The following CCDC171 variants were observed in gnomAD, a reference collection of about 807,000 sequenced individuals.
The protein encoded by CCDC171 is coiled-coil domain-containing protein 171.
CCDC171 carries 177 observed loss-of-function variants against 168.2 expected under a neutral mutation model. The ratio of observed to expected loss-of-function variants is 1.05; its 90% CI spans 0.93 to 1.19. The LOEUF (loss-of-function observed/expected upper bound fraction) is 1.19, where lower values mean the gene tolerates loss of function less well. Ranked by LOEUF, CCDC171 falls within the 50% of genes most tolerant of loss-of-function variation. CCDC171 has a pLI of 0.00. For synonymous variants in CCDC171, 687 were observed against 540.8 expected (o/e 1.27, Z -3.75); for missense variants, 1,991 against 1,539.0 (o/e 1.29, Z -4.91).
intron 1 of CCDC171, among the ~76,000 whole-genome samples, chr9:16,059,175 A>G (rs1272798247): frequency 6.6e-6 from 1 of 152,138 alleles, no homozygotes; most frequent in Non-Finnish European, 1.5e-5. Context: ...AACAGCTGCC[A>G]TTTCCCTACC....
the CCDC171 span, among the ~76,000 whole-genome samples, chr9:16,078,970 G>T: frequency 6.6e-6 from 1 of 152,208 alleles, no homozygotes; most frequent in Admixed American, 6.5e-5. Flanking sequence ...GTCACCACTA[G>T]ATATTTTCCC....
intron 25 of CCDC171, among the ~76,000 whole-genome samples, chr9:15,959,872 A>T (rs1353752152): frequency 1.3e-5 from 2 of 152,208 alleles, no homozygotes; most frequent in Non-Finnish European, 2.9e-5. Flanking sequence ...AGATACTGCA[A>T]GGCACTGGGT....
At chr9:15,953,743 G>A (rs1265999053) in intron 25 of CCDC171, among the ~76,000 whole-genome samples, 1 of 152,102 alleles carries the variant, frequency 6.6e-6, no homozygotes. Flanking sequence ...AGTTTGAGGA[G>A]GACTAATGTT....
downstream of CCDC171, among the ~76,000 whole-genome samples, chr9:16,065,901 A>G (rs146983851): frequency 5.9e-5 from 9 of 151,814 alleles, no homozygotes; most frequent in African/African-American, 1.5e-4. Context: ...TCCTGTGACT[A>G]TCTTAGAATC....
intron 23 of CCDC171, among the ~76,000 whole-genome samples, chr9:15,860,936 A>ATGTGTGTGTGTGTGTGTGTGTGTGTGTG (rs770617574): frequency 9.7e-5 from 14 of 144,258 alleles, no homozygotes; most frequent in South Asian, 2.3e-4. Flanking sequence ...GTTGTTAGGG[A>ATGTGTGTGTGTGTGTGTGTGTGTGTGTG]TGTGTGTGTG....
At chr9:15,567,396 CTT>C (rs1563952651) in intron 2 of CCDC171, among the ~76,000 whole-genome samples, 3 of 152,134 alleles carry the variant, frequency 2.0e-5, no homozygotes, top group Admixed American at 2.0e-4. Flanking sequence ...CCCATTTGTT[CTT>C]CAAGATTGTT....
intron 3 of CCDC171, among the ~76,000 whole-genome samples, chr9:16,013,316 C>G (rs1169643758): frequency 2.6e-5 from 4 of 152,200 alleles, no homozygotes; most frequent in Non-Finnish European, 5.9e-5. Flanking sequence ...CCAAGTTTCT[C>G]TCTAGCTTTC....
At chr9:16,065,809 GGTGTGTGTGT>G (rs113107786), downstream of CCDC171, among the ~76,000 whole-genome samples, 8 of 144,232 alleles carry the variant, frequency 5.5e-5, no homozygotes, top group Non-Finnish European at 1.1e-4. Flanking sequence ...TTGTGTGCAT[GGTGTGTGTGT>G]GTGTGTGTGT....
At chr9:15,637,634 A>G (rs1156317034) in intron 7 of CCDC171, among the ~76,000 whole-genome samples, 1 of 91,118 alleles carries the variant, frequency 1.1e-5, no homozygotes, top group Non-Finnish European at 2.0e-5. Flanking sequence ...CCCACCCCAC[A>G]ACAGTCCCCA....
intron 4 of CCDC171, among the ~76,000 whole-genome samples, chr9:15,586,440 G>C (rs1324513617): frequency 6.6e-6 from 1 of 152,208 alleles, no homozygotes; most frequent in East Asian, 1.9e-4. Flanking sequence ...GCAAATGGAT[G>C]AGGAATAACT....
At chr9:15,737,519 C>T (rs756320943) in intron 16 of CCDC171, among the ~76,000 whole-genome samples, 3 of 152,092 alleles carry the variant, frequency 2.0e-5, no homozygotes, top group Non-Finnish European at 1.5e-5. Flanking sequence ...GCTAATTTTC[C>T]ACAGTCAGAG....
intron 2 of CCDC171, among the ~76,000 whole-genome samples, chr9:15,569,842 CAAACAA>C (rs1563957571): frequency 7.6e-4 from 37 of 48,444 alleles, no homozygotes; most frequent in African/African-American, 2.2e-3. Flanking sequence ...AAAAAACAAA[CAAACAA>C]AAAAAAAATT....
chr9:15,970,461 T>G (rs1029207955), intron 25 of CCDC171, among the ~76,000 whole-genome samples: 1 of 152,180 alleles, frequency 6.6e-6, no homozygotes, highest in African/African-American at 2.4e-5. Flanking sequence ...ATAACCAGAC[T>G]TGTTATTTCA....
intron 25 of CCDC171, among the ~76,000 whole-genome samples, chr9:15,962,177 C>A (rs1186211256): frequency 6.6e-6 from 1 of 152,144 alleles, no homozygotes. Context: ...ATGCTTGTAA[C>A]AGAAAACATA....
chr9:15,806,310 T>C (rs1265848176), intron 21 of CCDC171, among the ~76,000 whole-genome samples: 1 of 152,152 alleles, frequency 6.6e-6, no homozygotes, highest in African/African-American at 2.4e-5. Flanking sequence ...GACTCGTTTA[T>C]GTGGTTGCTT....
intron 3 of CCDC171, among the ~76,000 whole-genome samples, chr9:16,011,224 G>T (rs1333702561): frequency 1.3e-5 from 2 of 152,066 alleles, no homozygotes; most frequent in Middle Eastern, 3.2e-3. Flanking sequence ...TAAAATGCTG[G>T]GTTGGAAAGA....
chr9:15,763,341 T>C (rs531857625), intron 18 of CCDC171, among the ~76,000 whole-genome samples: 1 of 152,330 alleles, frequency 6.6e-6, no homozygotes, highest in Admixed American at 6.5e-5. Flanking sequence ...GAATGGATCA[T>C]GCTCCACATT....
At chr9:15,784,164 A>G (rs1415124103) in intron 20 of CCDC171, among the ~76,000 whole-genome samples, 2 of 152,202 alleles carry the variant, frequency 1.3e-5, no homozygotes, top group Non-Finnish European at 2.9e-5. Flanking sequence ...ATCACTTAAA[A>G]GCCAAGGAAT....
chr9:15,601,119 C>G (rs781275993), intron 6 of CCDC171, among the ~76,000 whole-genome samples: 9 of 152,192 alleles, frequency 5.9e-5, no homozygotes, highest in Non-Finnish European at 1.2e-4. Flanking sequence ...TCGACTCACG[C>G]TCAGTGCACT....
Sources: gnomAD v4.1 joint callset for allele counts (sites outside exome capture counted in the v4.1 genomes callset) on GRCh38, gnomAD v4.1.1 for gene constraint, MANE v1.5 for transcripts, NCBI Gene and HGNC (gene_info 2026-07-23, HGNC 2026-07-21) for gene names.